Variants in LY75 observed in about 807,000 individuals in gnomAD.
The protein encoded by LY75 is lymphocyte antigen 75, also known as C-type lectin domain family 13 member B.
In LY75, 185 loss-of-function variants were observed where a neutral mutation model predicts 231.7. The ratio of observed to expected loss-of-function variants is 0.80; its 90% CI spans 0.71 to 0.90. LY75 has a LOEUF of 0.90. Ranked by LOEUF, LY75 falls within the 40% of genes least tolerant of loss-of-function variation. The pLI is 0.00. For missense variants in LY75, 1,947 were observed against 2,050.2 expected (o/e 0.95, Z 0.97); for synonymous variants, 668 against 689.0 (o/e 0.97, Z 0.48).
At chr2:159,889,798 C>G (rs1480842949) in intron 4 of LY75, among the ~76,000 whole-genome samples, 2 of 152,148 alleles carry the variant, frequency 1.3e-5, no homozygotes, top group Non-Finnish European at 2.9e-5. Context: ...CTCCTTGCCC[C>G]TGAGGACTGT....
At chr2:159,819,699 G>C (rs571506173) in intron 29 of LY75, 27 bp downstream of exon 29, 2 of 1,572,070 alleles carry the variant, frequency 1.3e-6, no homozygotes, top group African/African-American at 1.4e-5. Flanking sequence ...TGGAGTGAAA[G>C]AAAACTCTAT....
In LY75 at chr2:159,814,581, G is replaced by A. The variant is rs1411819438; in HGVS notation, c.4549+824C>T. On this transcript the variant is annotated intron_variant, in intron 31 of 34. Transcript: ENST00000263636. ...GAGTTGGGAGGACTGCTTGAGCCTA[G>A]GAGGTCAAGGCTGCAGTGAGCCATG... Among the ~76,000 whole-genome samples the A allele has an allele frequency of 2.0e-5, 3 of 151,058 alleles. No individual in the cohort carries two copies. In the East Asian group the frequency reaches 5.9e-4, roughly 30 times the overall value.
At chr2:159,832,183 C>CG (rs1459203091) in intron 27 of LY75, among the ~76,000 whole-genome samples, 13 of 152,122 alleles carry the variant, frequency 8.5e-5, no homozygotes, top group Non-Finnish European at 4.4e-5. Context: ...TCCCAACCCC[C>CG]GGGCCACACA....
intron 23 of LY75, among the ~76,000 whole-genome samples, chr2:159,842,937 T>C (rs994326731): frequency 6.7e-6 from 1 of 149,480 alleles, no homozygotes; most frequent in African/African-American, 2.4e-5. Flanking sequence ...GAAAAGTAAG[T>C]TTATACCAGG....
At chr2:159,859,684 G>C (rs1684643652) in intron 15 of LY75, among the ~76,000 whole-genome samples, 1 of 152,186 alleles carries the variant, frequency 6.6e-6, no homozygotes, top group Admixed American at 6.5e-5. Flanking sequence ...ACACATGGGT[G>C]TAAATTTCAG....
intron 31 of LY75, among the ~76,000 whole-genome samples, chr2:159,810,906 G>A (rs1574518551): frequency 6.6e-6 from 1 of 152,180 alleles, no homozygotes; most frequent in Non-Finnish European, 1.5e-5. Context: ...AGCTTTCTAA[G>A]ACTGATTTGG....
chr2:159,823,053 A>G (rs1473558442), intron 28 of LY75, among the ~76,000 whole-genome samples: 3 of 152,310 alleles, frequency 2.0e-5, no homozygotes, highest in African/African-American at 7.2e-5. Context: ...CCAAAGGATC[A>G]CAACTCTTCA....
In LY75 at chr2:159,898,672, C is replaced by T. The variant is rs768471196; in HGVS notation, c.466+16G>A. 7.6e-6 allele frequency: 12 copies of T among 1,588,914 alleles called. No individual in the cohort carries two copies. In the South Asian group the frequency reaches 7.8e-5, roughly 10 times the overall value. On this transcript the variant is annotated intron_variant, in intron 2 of 34. Transcript: ENST00000263636. Reference sequence around the variant, plus strand: ...GCACAACAGCAAATCGGTCAAAGTCCCTCTCTAATACTCACCATGATAAGG... The same window carrying T: ...GCACAACAGCAAATCGGTCAAAGTCTCTCTCTAATACTCACCATGATAAGG...
At chr2:159,806,823 G>A (rs1682807696) in intron 34 of LY75, 150 bp downstream of exon 34, 1 of 896,676 alleles carries the variant, frequency 1.1e-6, no homozygotes, top group Non-Finnish European at 1.5e-6. Context: ...TTTTCAGGGG[G>A]AAATCTCTAT....
At position 159,853,288 on chromosome 2, in the gene LY75, T is replaced by C. The variant is rs778244121; in HGVS notation, c.2728A>G (p.Lys910Glu). 9 of 1,612,794 alleles carry C rather than the reference T, an allele frequency of 5.6e-6. No homozygotes were observed. Among genetic ancestry groups the C allele is most frequent in the Non-Finnish European group, 7.6e-6 (9 of 1,179,132 alleles). The part of the protein sequence containing the change: ...FGEECLYMSA[K>E]TWLIDLGKPT... ...TTAACTTTACCGATAAGCCAAGTCT[T>C]GGCAGACATGTACAAGCATTCCTCT... Residue 910 changes from lysine to glutamate, a missense_variant, in exon 20 of 35, where the codon AAG (lysine) becomes GAG (glutamate). Transcript: ENST00000263636.
intron 2 of LY75, among the ~76,000 whole-genome samples, chr2:159,894,695 G>A (rs1685861549): frequency 6.6e-6 from 1 of 152,196 alleles, no homozygotes; most frequent in Non-Finnish European, 1.5e-5. Flanking sequence ...GAAGGTACAA[G>A]GCATGGTAAT....
chr2:159,844,337 A>G (rs534197834), intron 23 of LY75, among the ~76,000 whole-genome samples: 1 of 151,822 alleles, frequency 6.6e-6, no homozygotes, highest in Non-Finnish European at 1.5e-5. Flanking sequence ...AAAAAAAAAA[A>G]AAAAAACTAT....
At position 159,882,271 on chromosome 2, in the gene LY75, G is replaced by A; in HGVS notation, c.1099C>T (p.Pro367Ser). ...SDTRCDAGWL[P>S]NNGFCYLLVN... ...AGCAGATAGCAAAATCCATTATTTG[G>A]CAGCCAGCCTGCATCACAGCGGGTA... Residue 367 changes from proline to serine, a missense_variant, in exon 7 of 35, where the codon CCA (proline) becomes TCA (serine). Transcript: ENST00000263636. The A allele has an allele frequency of 1.2e-6, 2 of 1,613,980 alleles. No homozygotes were observed. Among genetic ancestry groups the A allele is most frequent in the Non-Finnish European group, 1.7e-6 (2 of 1,179,896 alleles).
At chr2:159,899,508 A>G (rs559795790) in intron 1 of LY75, among the ~76,000 whole-genome samples, 7 of 152,294 alleles carry the variant, frequency 4.6e-5, no homozygotes, top group African/African-American at 1.4e-4. Context: ...TCTAGTTGGG[A>G]CCATAATTCT....
rs1220068481 is a variant in LY75, at chr2:159,816,997, G to A, written c.4189C>T (p.Gln1397Ter). 6.2e-7 allele frequency: 1 copy of A among 1,613,860 alleles called. No homozygotes were observed. The highest frequency in any genetic ancestry group is 8.5e-7 in the Non-Finnish European group (1 of 1,179,920). Residue 1397 changes from glutamine (Q) to a stop codon, truncating the protein, a stop_gained, in exon 30 of 35, where the codon CAG (glutamine) becomes TAG (stop). Transcript: ENST00000263636. LOFTEE classifies it high-confidence loss of function. ...YKEEYNTTLP[Q>*]FMPYEDGIYS... ...ATACCATCTTCATATGGCATAAACT[G>A]TGGCAGTGTAGTATTATATTCTTCT...
At chr2:159,858,059 G>A (rs773008135) in intron 16 of LY75, among the ~76,000 whole-genome samples, 13 of 152,042 alleles carry the variant, frequency 8.6e-5, no homozygotes, top group Non-Finnish European at 4.4e-5. Context: ...AAATGATTCT[G>A]CATTTCTCCT....
intron 28 of LY75, among the ~76,000 whole-genome samples, chr2:159,826,653 A>G (rs766736579): frequency 2.6e-5 from 4 of 152,204 alleles, no homozygotes; most frequent in Non-Finnish European, 5.9e-5. Flanking sequence ...AGCCAAGACA[A>G]TCCTGGACAA....
chr2:159,899,121 C>T, intron 1 of LY75, 62 bp from the exon 2 acceptor site: 1 of 1,563,272 alleles, frequency 6.4e-7, no homozygotes. Flanking sequence ...TCCCTGCCTG[C>T]TGAGGAGAGT....
At chr2:159,855,476 C>T (rs940698693) in intron 16 of LY75, among the ~76,000 whole-genome samples, 2 of 152,120 alleles carry the variant, frequency 1.3e-5, no homozygotes, top group Admixed American at 6.5e-5. Context: ...TGAGACAAAA[C>T]TGAGAGGAAA....
Sources: gnomAD v4.1 joint callset for allele counts (sites outside exome capture counted in the v4.1 genomes callset) on GRCh38, gnomAD v4.1.1 for gene constraint, MANE v1.5 for transcripts, NCBI Gene and HGNC (gene_info 2026-07-23, HGNC 2026-07-21) for gene names.